CRACR2A: variants seen among roughly 807,000 people sequenced by gnomAD.
The protein encoded by CRACR2A is calcium release activated channel regulator 2A.
In CRACR2A, 79 loss-of-function variants were observed where a neutral mutation model predicts 90.5. The observed-to-expected ratio is 0.87, with a 90% CI of 0.73 to 1.05. The LOEUF is 1.05. CRACR2A is among the 50% of genes least tolerant of loss of function. CRACR2A has a pLI of 0.00. For missense variants in CRACR2A, 823 were observed against 897.2 expected, an observed-to-expected ratio of 0.92 and a Z score of 1.06; for synonymous variants, 338 against 356.7, an observed-to-expected ratio of 0.95 and a Z score of 0.59.
chr12:3,718,816 T>C (rs1324298298), intron 2 of CRACR2A, among the ~76,000 whole-genome samples: 1 of 152,196 alleles, frequency 6.6e-6, no homozygotes, highest in Non-Finnish European at 1.5e-5. Context: ...TCTCTTTGGT[T>C]CACAGCTGTA....
chr12:3,702,594 T>C (rs1945850742), intron 3 of CRACR2A, among the ~76,000 whole-genome samples: 1 of 152,228 alleles, frequency 6.6e-6, no homozygotes, highest in Admixed American at 6.5e-5. Context: ...GGATGTCTAA[T>C]ACTTATACAC....
chr12:3,636,045 C>A (rs1944449071), intron 14 of CRACR2A, among the ~76,000 whole-genome samples: 1 of 152,094 alleles, frequency 6.6e-6, no homozygotes, highest in Admixed American at 6.6e-5. Context: ...ATATACTATG[C>A]CTTATGTCCC....
chr12:3,624,707 A>G (rs1944222786), intron 17 of CRACR2A, among the ~76,000 whole-genome samples: 1 of 152,214 alleles, frequency 6.6e-6, no homozygotes. Flanking sequence ...TTCGGAAATG[A>G]CTTAGAGCTC....
At chr12:3,665,483 C>T (rs1353256590) in intron 7 of CRACR2A, among the ~76,000 whole-genome samples, 2 of 152,220 alleles carry the variant, frequency 1.3e-5, no homozygotes, top group Non-Finnish European at 2.9e-5. Context: ...GTAATACCTA[C>T]TTCAGATAGA....
At chr12:3,628,185 TTCTC>T (rs894002747) in intron 15 of CRACR2A, among the ~76,000 whole-genome samples, 19 of 149,102 alleles carry the variant, frequency 1.3e-4, no homozygotes, top group South Asian at 8.8e-4. Flanking sequence ...CTCTCTTTCT[TTCTC>T]TCTCTCTCTT....
chr12:3,673,574 C>T lies in CRACR2A; in HGVS notation c.543G>A (p.Gln181=). Residue 181 remains glutamine (Q), a synonymous_variant, in exon 7 of 20, where the codon CAG becomes CAA. Coordinates refer to ENST00000440314, the MANE Select transcript of CRACR2A (RefSeq NM_001144958.2). The part of the protein sequence containing the change: ...KVLEDESDVK[Q]LWLQLKKEEP... ...CCTCCTTCTTCAGCTGCAACCAGAG[C>T]TGCTTGACATCACTTTCACTGCAAG... 1 of 1,613,602 alleles carries T rather than the reference C, an allele frequency of 6.2e-7. No individual in the cohort carries two copies. Among genetic ancestry groups the T allele is most frequent in the Non-Finnish European group, 8.5e-7 (1 of 1,179,972 alleles).
chr12:3,680,647 A>C (rs1012841823), intron 4 of CRACR2A, among the ~76,000 whole-genome samples: 2 of 152,064 alleles, frequency 1.3e-5, no homozygotes, highest in Non-Finnish European at 2.9e-5. Context: ...CCATGACAAC[A>C]CTCTGAGCTA....
At position 3,616,991 on chromosome 12, in the gene CRACR2A, C is replaced by T; in HGVS notation, c.2074G>A (p.Gly692Ser). The change falls in exon 19 of 20, where the codon GGT becomes AGT. Residue 692 changes from glycine to serine, a missense_variant. Physicochemically the swap from Gly to Ser is moderately conservative, Grantham distance 56. Transcript: ENST00000440314. ...AGCAGGGACTCTTTGGTGTTGTGAC[C>T]AGAGTAGGCGCTGCATTCATAGAAG... is the stretch of plus-strand genomic sequence containing the variant. Reference protein sequence around the residue: ...LIFYECSAYSGHNTKESLLHL... With the variant: ...LIFYECSAYSSHNTKESLLHL... The T allele has an allele frequency of 6.4e-7, 1 of 1,551,574 alleles. No individual in the cohort carries two copies. Among genetic ancestry groups the T allele is most frequent in the Non-Finnish European group, 8.7e-7 (1 of 1,146,950 alleles).
intron 11 of CRACR2A, among the ~76,000 whole-genome samples, chr12:3,647,351 G>T (rs1043924917): frequency 6.6e-6 from 1 of 152,068 alleles, no homozygotes; most frequent in Non-Finnish European, 1.5e-5. Flanking sequence ...AAGGCCTCAG[G>T]CCTTTTGTGA....
intron 1 of CRACR2A, among the ~76,000 whole-genome samples, chr12:3,747,248 A>G (rs1382016978): frequency 6.6e-6 from 1 of 152,210 alleles, no homozygotes; most frequent in East Asian, 1.9e-4. Flanking sequence ...TGGCTTCCTC[A>G]TCTGTAAAAT....
Position 3,656,387 on chromosome 12 carries a change from G to T in CRACR2A, c.782C>A (p.Ala261Asp). The change falls in exon 9 of 20, where the codon GCC (alanine) becomes GAC (aspartate). Residue 261 changes from alanine (A) to aspartate (D), a missense_variant. Coordinates refer to ENST00000440314, the MANE Select transcript of CRACR2A (RefSeq NM_001144958.2). ...FLLKDTERFQ[A>D]RSQELEQKLL... Reference sequence around the variant, plus strand: ...TTTCTGCTCCAGCTCTTGACTGCGGGCTTGAAACCTCTCTGTGTCCTGCCA... The same window carrying T: ...TTTCTGCTCCAGCTCTTGACTGCGGTCTTGAAACCTCTCTGTGTCCTGCCA... 6.2e-7 allele frequency: 1 copy of T among 1,614,086 alleles called. No homozygotes were observed. Among genetic ancestry groups the T allele is most frequent in the East Asian group, 2.2e-5 (1 of 44,882 alleles).
chr12:3,679,211 G>A, intron 5 of CRACR2A, 113 bp from the exon 6 acceptor site: 2 of 1,096,428 alleles, frequency 1.8e-6, no homozygotes, highest in Non-Finnish European at 2.5e-6. Flanking sequence ...GGAAAGGGAA[G>A]GGAAAGCCCC....
intron 1 of CRACR2A, among the ~76,000 whole-genome samples, chr12:3,735,847 G>C (rs544769095): frequency 1.2e-4 from 19 of 152,302 alleles, no homozygotes; most frequent in Admixed American, 6.5e-4. Flanking sequence ...GTGAGGCCCA[G>C]CATGCCACGT....
intron 13 of CRACR2A, among the ~76,000 whole-genome samples, chr12:3,638,678 A>AGAT (rs938434347): frequency 5.3e-5 from 8 of 152,164 alleles, no homozygotes; most frequent in Non-Finnish European, 1.2e-4. Flanking sequence ...ATGATGACAA[A>AGAT]GATGATGATG....
At position 3,654,308 on chromosome 12, in the gene CRACR2A, C is replaced by T. The variant is rs145685842; in HGVS notation, c.950G>A (p.Arg317Gln). 3.5e-5 allele frequency: 56 copies of T among 1,613,790 alleles called. No individual in the cohort carries two copies. Among genetic ancestry groups the T allele is most frequent in the Middle Eastern group, 3.3e-4 (2 of 6,078 alleles). The change falls in exon 10 of 20, where the codon CGG becomes CAG. Residue 317 changes from arginine to glutamine, a missense_variant. Arg to Gln is a conservative substitution (Grantham distance 43). Coordinates refer to ENST00000440314, the MANE Select transcript of CRACR2A (RefSeq NM_001144958.2). Reference sequence around the variant, plus strand: ...CTCCCAGGAAGTCCGCTCCAGCTCCCGGGCCAGCTCCTGGTTAGTGAGTTT... The same window carrying T: ...CTCCCAGGAAGTCCGCTCCAGCTCCTGGGCCAGCTCCTGGTTAGTGAGTTT... ...KLKLTNQELA[R>Q]ELERTSWELQ...
chr12:3,667,900 C>T (rs959381121), intron 7 of CRACR2A, among the ~76,000 whole-genome samples: 3 of 152,186 alleles, frequency 2.0e-5, no homozygotes, highest in Admixed American at 6.5e-5. Context: ...GAAAGGAAAA[C>T]GTAAGAGTTT....
intron 14 of CRACR2A, among the ~76,000 whole-genome samples, chr12:3,634,435 C>T (rs1944425304): frequency 6.6e-6 from 1 of 152,208 alleles, no homozygotes; most frequent in Non-Finnish European, 1.5e-5. Context: ...CAGCCAGTCA[C>T]TGCTGCCCTG....
chr12:3,751,613 G>A (rs1176108291), intron 1 of CRACR2A, among the ~76,000 whole-genome samples: 3 of 152,188 alleles, frequency 2.0e-5, no homozygotes, highest in African/African-American at 4.8e-5. Context: ...TTGCTCAGCC[G>A]TCCTTCCCCA....
chr12:3,664,652 GA>G (rs1429884060), intron 7 of CRACR2A, among the ~76,000 whole-genome samples: 3 of 152,160 alleles, frequency 2.0e-5, no homozygotes, highest in Admixed American at 6.5e-5. Flanking sequence ...AGATCTCTGA[GA>G]TGTTAATTAG....
Sources: allele counts gnomAD v4.1 joint callset (sites outside exome capture counted in the v4.1 genomes callset), GRCh38; gene constraint gnomAD v4.1.1; transcripts MANE v1.5; gene names NCBI Gene and HGNC (gene_info 2026-07-23, HGNC 2026-07-21).